Variants in CDC7 observed in about 807,000 individuals in gnomAD.
CDC7 encodes the protein cell division cycle 7-related protein kinase.
In CDC7, 34 loss-of-function variants were observed where a neutral mutation model predicts 53.5. The observed-to-expected ratio is 0.64, with a 90% CI of 0.48 to 0.85. The LOEUF (loss-of-function observed/expected upper bound fraction) is 0.85. Ranked by LOEUF, CDC7 falls within the 40% of genes least tolerant of loss-of-function variation. CDC7 has a pLI of 0.00. For missense variants in CDC7, 594 were observed against 679.7 expected, an observed-to-expected ratio of 0.87 and a Z score of 1.40; for synonymous variants, 211 against 222.8, an observed-to-expected ratio of 0.95 and a Z score of 0.47.
At chr1:91,522,842 G>A (rs1284982705) in intron 11 of CDC7, among the ~76,000 whole-genome samples, 1 of 152,128 alleles carries the variant, frequency 6.6e-6, no homozygotes, top group African/African-American at 2.4e-5. Flanking sequence ...CACCAGTCCA[G>A]TAGTTAGTTC....
At chr1:91,523,817 C>G (rs150119857) in intron 11 of CDC7, among the ~76,000 whole-genome samples, 2 of 152,202 alleles carry the variant, frequency 1.3e-5, no homozygotes, top group African/African-American at 4.8e-5. Flanking sequence ...CTGCTTTGTA[C>G]TTACTATCTC....
chr1:91,524,269 G>C lies in CDC7; in HGVS notation c.1559G>C (p.Ser520Thr). Reference protein sequence around the residue: ...GNSFKKGDSNSCEHCFDEYNT... With the variant: ...GNSFKKGDSNTCEHCFDEYNT... Reference sequence around the variant, plus strand: ...TCATTTAAAAAGGGGGATAGTAATAGCTGTGAGCATTGTTTTGATGAGTAT... The same window carrying C: ...TCATTTAAAAAGGGGGATAGTAATACCTGTGAGCATTGTTTTGATGAGTAT... Residue 520 changes from serine (S) to threonine (T), a missense_variant, in exon 12 of 12, where the codon AGC becomes ACC. By Grantham distance (58) the Ser-to-Thr change is moderately conservative (BLOSUM62 1). Coordinates refer to ENST00000234626, the MANE Select transcript of CDC7 (RefSeq NM_003503.4). The C allele has an allele frequency of 6.2e-7, 1 of 1,614,098 alleles. No individual in the cohort carries two copies. Among genetic ancestry groups the C allele is most frequent in the Non-Finnish European group, 8.5e-7 (1 of 1,179,978 alleles).
chr1:91,516,134 A>G (rs913321569), intron 10 of CDC7, among the ~76,000 whole-genome samples: 4 of 151,516 alleles, frequency 2.6e-5, no homozygotes, highest in Admixed American at 6.6e-5. Context: ...TTACAAGATG[A>G]TCTTACCATC....
At chr1:91,512,049 A>G (rs1667316209) in intron 6 of CDC7, 126 bp downstream of exon 6, 1 of 700,080 alleles carries the variant, frequency 1.4e-6, no homozygotes, top group African/African-American at 1.8e-5. Context: ...TGAAGCAAAT[A>G]TTTATCTCAG....
chr1:91,508,159 A>C, intron 3 of CDC7, 103 bp from the exon 4 acceptor site: 1 of 878,184 alleles, frequency 1.1e-6, no homozygotes, highest in Non-Finnish European at 1.7e-6. Context: ...GTCCTGTTTT[A>C]ATGTATTATG....
chr1:91,519,254 TACAAAAAAAAAAA>T (rs1667774405), intron 10 of CDC7, among the ~76,000 whole-genome samples: 1 of 5,548 alleles, frequency 1.8e-4, no homozygotes, highest in African/African-American at 6.1e-4. Context: ...CTACTAAAAA[TACAAAAAAAAAAA>T]AAAAAAAAAA....
Position 91,524,093 on chromosome 1 carries a change from CTG to C in CDC7, c.1386_1387del (p.Cys462Ter). 6.2e-7 allele frequency: 1 copy of C among 1,613,300 alleles called. No individual in the cohort carries two copies. Among genetic ancestry groups the C allele is most frequent in the Non-Finnish European group, 8.5e-7 (1 of 1,179,662 alleles). ...EVPAQDLRKL[C>X]ERLRGMDSST... The stretch of plus-strand genomic sequence containing the variant: ...TTCCAGCACAAGACTTGAGAAAACT[CTG>C]TGAGAGACTCAGGGGTATGGATTCT... On this transcript the variant is annotated frameshift_variant, in exon 12 of 12. Transcript: ENST00000234626. LOFTEE classifies it low-confidence loss of function (END_TRUNC).
At chr1:91,519,669 T>C (rs1385169394) in intron 10 of CDC7, among the ~76,000 whole-genome samples, 1 of 152,232 alleles carries the variant, frequency 6.6e-6, no homozygotes, top group East Asian at 1.9e-4. Flanking sequence ...TAGTTGGTGC[T>C]AGTGTCAGCT....
chr1:91,501,185 C>G (rs989311228), intron 1 of CDC7: 1 of 152,580 alleles, frequency 6.6e-6, no homozygotes, highest in African/African-American at 2.4e-5. Flanking sequence ...GGCGGATTCC[C>G]ATTCATTCAC....
Position 91,511,649 on chromosome 1 carries a change from G to A in CDC7, c.388G>A (p.Val130Ile), listed in dbSNP as rs1265099671. ...VKYCFRKNDH[V>I]VIAMPYLEHE... is the part of the protein sequence containing the mutation. ...ATACTGCTTTAGGAAGAATGATCATGTAGTTATTGCTATGCCATATCTGGA... is the reference window on the plus strand; with the variant it reads ...ATACTGCTTTAGGAAGAATGATCATATAGTTATTGCTATGCCATATCTGGA... The change falls in exon 5 of 12, where the codon GTA (valine) becomes ATA (isoleucine). Residue 130 changes from valine (V) to isoleucine (I), a missense_variant. Coordinates refer to ENST00000234626, the MANE Select transcript of CDC7 (RefSeq NM_003503.4). 2 of 1,611,186 alleles carry A rather than the reference G, an allele frequency of 1.2e-6. No individual in the cohort carries two copies. Among genetic ancestry groups the A allele is most frequent in the Admixed American group, 3.3e-5 (2 of 59,954 alleles).
chr1:91,523,984 A>T, intron 11 of CDC7, 57 bp from the exon 12 acceptor site: 1 of 1,352,354 alleles, frequency 7.4e-7, no homozygotes, highest in Non-Finnish European at 1.0e-6. Flanking sequence ...GGCTTCTGAT[A>T]TATTCAAATA....
intron 10 of CDC7, 107 bp from the exon 11 acceptor site, chr1:91,520,023 A>C: frequency 1.2e-6 from 1 of 842,022 alleles, no homozygotes; most frequent in South Asian, 2.9e-5. Flanking sequence ...TGAAATTTTT[A>C]AGGCTCCCAA....
intron 2 of CDC7, among the ~76,000 whole-genome samples, chr1:91,504,138 G>C (rs1468416485): frequency 7.2e-6 from 1 of 139,412 alleles, no homozygotes; most frequent in Non-Finnish European, 1.5e-5. Context: ...TGGTCTCTCT[G>C]TCACACCACT....
intron 2 of CDC7, among the ~76,000 whole-genome samples, chr1:91,505,896 TC>T (rs1286155918): frequency 6.6e-6 from 1 of 152,186 alleles, no homozygotes; most frequent in African/African-American, 2.4e-5. Context: ...ATGTTTCTCC[TC>T]CCTTTCACAT....
chr1:91,521,699 C>T (rs13447546), intron 11 of CDC7, among the ~76,000 whole-genome samples: 83 of 152,216 alleles, frequency 5.5e-4, no homozygotes, highest in African/African-American at 1.8e-3. Context: ...TGAAGTTTAT[C>T]AGCCAATACC....
At chr1:91,515,921 C>G in intron 10 of CDC7, 45 bp downstream of exon 10, 1 of 1,416,980 alleles carries the variant, frequency 7.1e-7, no homozygotes, top group Non-Finnish European at 9.9e-7. Flanking sequence ...ATGGATTGTT[C>G]CAGACGTATT....
At chr1:91,507,975 C>CT in intron 3 of CDC7, 38 bp downstream of exon 3, 5 of 1,505,470 alleles carry the variant, frequency 3.3e-6, no homozygotes, top group East Asian at 2.4e-5. Flanking sequence ...TTTACGAGGT[C>CT]TTTTTTCCAT....
intron 2 of CDC7, among the ~76,000 whole-genome samples, chr1:91,503,585 T>G (rs1300175868): frequency 2.6e-5 from 4 of 152,242 alleles, no homozygotes; most frequent in Non-Finnish European, 5.9e-5. Flanking sequence ...AATGATTTAA[T>G]GTAAGGATAT....
rs1667467885 is a variant in CDC7 at position 91,514,748 on chromosome 1, T to C, written c.919-71T>C. On this transcript the variant is annotated intron_variant, in intron 8 of 11. Coordinates refer to ENST00000234626, the MANE Select transcript of CDC7 (RefSeq NM_003503.4). ...AAGTTATGCTTCCGCTATTGCTTTT[T>C]GCCATACTAGCATTTTAGGACATCA... 2.9e-5 allele frequency: 35 copies of C among 1,199,806 alleles called. No individual in the cohort carries two copies. In the South Asian group the frequency reaches 4.7e-4, roughly 16 times the overall value. 74.3% of individuals were successfully genotyped at this position (1,199,806 alleles called of 1,614,324 possible). A position where few individuals can be genotyped will look rare whatever the true frequency, so the allele number is the denominator to read the frequency against.
Sources: allele counts gnomAD v4.1 joint callset (sites outside exome capture counted in the v4.1 genomes callset), GRCh38; gene constraint gnomAD v4.1.1; transcripts MANE v1.5; gene names NCBI Gene and HGNC (gene_info 2026-07-23, HGNC 2026-07-21).